PTCH2: variants seen among roughly 807,000 people sequenced by gnomAD.
PTCH2 encodes patched 2, also known as protein patched homolog 2.
In PTCH2, 96 loss-of-function variants were observed where a neutral mutation model predicts 117.9. The observed-to-expected ratio is 0.81, with a 90% CI of 0.69 to 0.96. PTCH2 has a LOEUF of 0.96. Among genes scored for constraint, PTCH2 ranks in the 50% least tolerant of loss-of-function variants. The probability of loss-of-function intolerance (pLI) is 0.00; values close to 1 mark genes in which losing one functional copy is unlikely to be tolerated. For missense variants in PTCH2, 1,379 were observed against 1,562.5 expected (o/e 0.88, Z 1.98); for synonymous variants, 615 against 660.9 (o/e 0.93, Z 1.06).
downstream of PTCH2, among the ~76,000 whole-genome samples, chr1:44,821,021 A>G (rs1466236749): frequency 6.6e-6 from 1 of 152,004 alleles, no homozygotes; most frequent in Non-Finnish European, 1.5e-5. Flanking sequence ...TTGTTGTTGT[A>G]TCTTTTGGTC....
In PTCH2 at chr1:44,826,817, G is replaced by A. The variant is rs1653170163; in HGVS notation, c.2696-49C>T. ...AAGAGGGAGAGGGACAGGGCGGTGA[G>A]CACGGGGCAGAGTGGGCAGGGCCTC... On this transcript the variant is annotated intron_variant, in intron 17 of 21. Transcript: ENST00000372192. The surrounding 1 kb of genome is among the most constrained non-coding windows in gnomAD (Gnocchi z 5.1). The A allele has an allele frequency of 1.2e-6, 2 of 1,608,740 alleles. No individual in the cohort carries two copies. Among genetic ancestry groups the A allele is most frequent in the Admixed American group, 1.7e-5 (1 of 59,862 alleles).
chr1:44,832,437 T>A, intron 2 of PTCH2, 96 bp from the exon 3 acceptor site: 1 of 1,298,382 alleles, frequency 7.7e-7, no homozygotes, highest in Non-Finnish European at 1.1e-6. Flanking sequence ...CCCAGACAAG[T>A]GGGAGAGGTG....
At chr1:44,834,272 A>C (rs1482398597) in intron 2 of PTCH2, among the ~76,000 whole-genome samples, 1 of 152,072 alleles carries the variant, frequency 6.6e-6, no homozygotes, top group Non-Finnish European at 1.5e-5. Flanking sequence ...GGTGCCTGCC[A>C]CTACGCCTGG....
chr1:44,831,062 G>A lies in PTCH2; in HGVS notation c.618-19C>T. The A allele has an allele frequency of 6.2e-7, 1 of 1,607,584 alleles. No individual in the cohort carries two copies. Among genetic ancestry groups the A allele is most frequent in the South Asian group, 1.1e-5 (1 of 90,654 alleles). ...GCGGCCGCTGAGGGAAAAGCCTATA[G>A]TTGGTGAGGGTCAGGGACGAAAACC... On this transcript the variant is annotated intron_variant, in intron 5 of 21. Coordinates refer to ENST00000372192, the MANE Select transcript of PTCH2 (RefSeq NM_003738.5). The surrounding 1 kb of genome is among the most constrained non-coding windows in gnomAD (Gnocchi z 4.3).
chr1:44,840,502 G>C (rs1653901590), intron 2 of PTCH2, among the ~76,000 whole-genome samples: 1 of 151,090 alleles, frequency 6.6e-6, no homozygotes, highest in Non-Finnish European at 1.5e-5. Context: ...CTTGAAGCCA[G>C]GAGTTCGAGA....
intron 2 of PTCH2, among the ~76,000 whole-genome samples, chr1:44,840,933 G>A (rs531064706): frequency 6.1e-4 from 91 of 150,148 alleles, no homozygotes; most frequent in Non-Finnish European, 1.2e-3. Flanking sequence ...GTGTGGTGGC[G>A]CACGCCTGTA....
At position 44,831,260 on chromosome 1, in the gene PTCH2, A is replaced by G. The variant is rs531332448; in HGVS notation, c.618-217T>C. ...AGAAGAGTACAAGGGGCTGAGACGAATATCAGGGCAGGGTTACCTAATACA... is the reference window on the plus strand; with the variant it reads ...AGAAGAGTACAAGGGGCTGAGACGAGTATCAGGGCAGGGTTACCTAATACA... On this transcript the variant is annotated intron_variant, in intron 5 of 21. Coordinates refer to ENST00000372192, the MANE Select transcript of PTCH2 (RefSeq NM_003738.5). This position sits in a 1 kb window ranked among gnomAD's most constrained non-coding sequence, Gnocchi z 4.3. Among the ~76,000 whole-genome samples, 1 of 152,326 alleles carries G rather than the reference A, an allele frequency of 6.6e-6. No individual in the cohort carries two copies. The highest frequency in any genetic ancestry group is 2.4e-5 in the African/African-American group (1 of 41,560).
intron 2 of PTCH2, 139 bp from the exon 3 acceptor site, chr1:44,832,480 G>A: frequency 1.1e-6 from 1 of 879,312 alleles, no homozygotes; most frequent in Non-Finnish European, 1.8e-6. Context: ...TATCCCTGAG[G>A]GCCTGGTCAT....
rs541347792 is a variant in PTCH2 at position 44,829,048 on chromosome 1, G to A, written c.1398C>T (p.Ile466=). 5.5e-5 allele frequency: 89 copies of A among 1,604,812 alleles called. No homozygotes were observed. The South Asian group carries it at 8.5e-4, about 15-fold the overall frequency. ...CCAGCAGGAATACGTCATCCACGCC[G>A]ATTCCCAGAGCCAAGAAGGGCAGCA... The part of the protein sequence containing the change: ...TQVLPFLALG[I]GVDDVFLLAH... The change falls in exon 11 of 22, where the codon ATC becomes ATT. Residue 466 remains isoleucine (I), a synonymous_variant. Transcript: ENST00000372192.
downstream of PTCH2, chr1:44,820,703 G>C (rs748510565): frequency 3.3e-5 from 24 of 718,180 alleles, 1 homozygote; most frequent in South Asian, 2.4e-4. Context: ...ATCTCCTCGG[G>C]CCTGGAAAGA....
rs761491732 is a variant in PTCH2, at chr1:44,829,213, A to G, written c.1315T>C (p.Ser439Pro). The G allele has an allele frequency of 6.2e-7, 1 of 1,613,536 alleles. No individual in the cohort carries two copies. The highest frequency in any genetic ancestry group is 1.7e-5 in the Admixed American group (1 of 60,028). ...GVLLVALAVA[S>P]GLGLCALLGI... ...AGCAGGGCACAGAGCCCAAGGCCTG[A>G]GGCCACCGCCAGGGCCACCAGCAGT... Residue 439 changes from serine to proline, a missense_variant, in exon 10 of 22, where the codon TCA (serine) becomes CCA (proline). By Grantham distance (74) the Ser-to-Pro change is moderately conservative (BLOSUM62 -1). Transcript: ENST00000372192.
chr1:44,822,146 G>A lies in PTCH2; in HGVS notation c.*269C>T. 7.1e-7 allele frequency: 1 copy of A among 1,412,516 alleles called. No individual in the cohort carries two copies. The highest frequency in any genetic ancestry group is 9.2e-7 in the Non-Finnish European group (1 of 1,086,790). The allele number at this position is 1,412,516 out of a possible 1,614,324, so 87.5% of individuals were successfully genotyped here. On this transcript the variant is annotated 3_prime_UTR_variant, in exon 22 of 22. Coordinates refer to ENST00000372192, the MANE Select transcript of PTCH2 (RefSeq NM_003738.5). ...TGGTCAGCTGGGCAGGCAGTGGTGTGGGGTGGGAAGGGGGACAGGGCTGCA... is the reference window on the plus strand; with the variant it reads ...TGGTCAGCTGGGCAGGCAGTGGTGTAGGGTGGGAAGGGGGACAGGGCTGCA...
At chr1:44,830,587 C>CAAAAAAAAAAAGAAAAA (rs1653390315) in intron 6 of PTCH2, among the ~76,000 whole-genome samples, 1 of 65,178 alleles carries the variant, frequency 1.5e-5, no homozygotes, top group Non-Finnish European at 2.8e-5. Flanking sequence ...GAGTGAGACT[C>CAAAAAAAAAAAGAAAAA]AAAAAAAAAA....
At position 44,829,780 on chromosome 1, in the gene PTCH2, A is replaced by G. The variant is rs1653348554; in HGVS notation, c.936-19T>C. ...CTCTGCCCTGGTGGGGGTGTGGGAG[A>G]ACCAGGGGTCAGAGCTGGCCCAAAC... On this transcript the variant is annotated intron_variant, in intron 7 of 21. Transcript: ENST00000372192. 6.2e-7 allele frequency: 1 copy of G among 1,614,054 alleles called. No individual in the cohort carries two copies. Among genetic ancestry groups the G allele is most frequent in the Non-Finnish European group, 8.5e-7 (1 of 1,179,988 alleles).
At position 44,827,512 on chromosome 1, in the gene PTCH2, C is replaced by T. The variant is rs757344433; in HGVS notation, c.2261G>A (p.Arg754His). ...QGGFDYAHSQRALFDLHQRFS... is the reference protein window; with the variant it reads ...QGGFDYAHSQHALFDLHQRFS... Reference sequence around the variant, plus strand: ...GCGCTGGTGCAGATCAAAGAGGGCGCGTTGGGAGTGGGCGTAGTCAAAGCC... The same window carrying T: ...GCGCTGGTGCAGATCAAAGAGGGCGTGTTGGGAGTGGGCGTAGTCAAAGCC... Residue 754 changes from arginine to histidine, a missense_variant, in exon 15 of 22, where the codon CGC becomes CAC. Coordinates refer to ENST00000372192, the MANE Select transcript of PTCH2 (RefSeq NM_003738.5). 76 of 1,614,084 alleles carry T rather than the reference C, an allele frequency of 4.7e-5. No homozygotes were observed. Among genetic ancestry groups the T allele is most frequent in the Non-Finnish European group, 5.5e-5 (65 of 1,180,006 alleles).
At position 44,828,408 on chromosome 1, in the gene PTCH2, T is replaced by C. The variant is rs760268270; in HGVS notation, c.1597A>G (p.Ile533Val). Residue 533 changes from isoleucine to valine, a missense_variant, in exon 13 of 22, where the codon ATA becomes GTA. Ile to Val is a conservative substitution (Grantham distance 29). Transcript: ENST00000372192. Reference protein sequence around the residue: ...ALRAFSLQAAIVVGCTFVAVM... With the variant: ...ALRAFSLQAAVVVGCTFVAVM... ...GCTACAAAGGTGCAGCCAACCACTA[T>C]GGCCGCCTGGGGGACGGACAGGAGG... The C allele has an allele frequency of 6.2e-7, 1 of 1,614,124 alleles. No individual in the cohort carries two copies. Among genetic ancestry groups the C allele is most frequent in the East Asian group, 2.2e-5 (1 of 44,880 alleles).
Position 44,826,719 on chromosome 1 carries a change from A to G in PTCH2, c.2745T>C (p.Arg915=), listed in dbSNP as rs765469593. The G allele has an allele frequency of 2.5e-6, 4 of 1,597,108 alleles. No homozygotes were observed. In the East Asian group the frequency reaches 6.7e-5, roughly 27 times the overall value. Residue 915 remains arginine, a synonymous_variant, in exon 18 of 22, where the codon CGT becomes CGC. Coordinates refer to ENST00000372192, the MANE Select transcript of PTCH2 (RefSeq NM_003738.5). This position sits in a 1 kb window ranked among gnomAD's most constrained non-coding sequence, Gnocchi z 5.1. ...CAAAGTCTGCAGTCTTCTGGAGGCC[A>G]CGCAGCAGGAAGGGGAACTGGGCAA... ...LEFAQFPFLL[R]GLQKTADFVE...
chr1:44,821,784 A>G (rs1027173996), downstream of PTCH2: 5 of 1,330,466 alleles, frequency 3.8e-6, no homozygotes, highest in Non-Finnish European at 5.0e-6. Context: ...GTTACCAAGT[A>G]TATGACAAAA....
downstream of PTCH2, chr1:44,819,890 G>T (rs116205686): frequency 1.0e-4 from 16 of 152,624 alleles, no homozygotes; most frequent in African/African-American, 3.2e-4. Flanking sequence ...TGTAGCCTCA[G>T]GAAATAAGAG....
Sources: gnomAD v4.1 joint callset for allele counts (sites outside exome capture counted in the v4.1 genomes callset) on GRCh38, gnomAD v4.1.1 for gene constraint, Gnocchi (gnomAD v3.1) non-coding constraint, MANE v1.5 for transcripts, NCBI Gene and HGNC (gene_info 2026-07-23, HGNC 2026-07-21) for gene names.